The following ABCA5 variants were observed in gnomAD, a reference collection of about 807,000 sequenced individuals.
ABCA5 encodes the protein cholesterol transporter ABCA5.
In ABCA5, 163 loss-of-function variants were observed where a neutral mutation model predicts 206.0. That is an observed-to-expected ratio of 0.79 (90% confidence interval 0.70 to 0.90). The LOEUF is 0.90. ABCA5 is among the 40% of genes least tolerant of loss of function. ABCA5 has a pLI of 0.00. For synonymous variants in ABCA5, 609 were observed against 613.8 expected (o/e 0.99, Z 0.11); for missense variants, 1,859 against 1,912.9 (o/e 0.97, Z 0.53).
intron 9 of ABCA5, among the ~76,000 whole-genome samples, chr17:69,300,648 T>C (rs1403036387): frequency 2.0e-5 from 3 of 152,208 alleles, no homozygotes; most frequent in African/African-American, 7.2e-5. Context: ...ACATGGCTAG[T>C]AGTTACCATA....
At chr17:69,262,894 C>T (rs1047902298) in intron 24 of ABCA5, among the ~76,000 whole-genome samples, 1 of 151,966 alleles carries the variant, frequency 6.6e-6, no homozygotes, top group Non-Finnish European at 1.5e-5. Context: ...GCCTCGCCAG[C>T]ATCTGTTGGT....
chr17:69,281,591 A>C (rs77160572), intron 18 of ABCA5, among the ~76,000 whole-genome samples: 7,022 of 152,250 alleles, frequency 0.046, 199 homozygotes, highest in Non-Finnish European at 0.066. Flanking sequence ...CAAAAGAAAA[A>C]TTAAGAACTC....
At chr17:69,305,805 AGGCC>A (rs2075710942) in intron 6 of ABCA5, among the ~76,000 whole-genome samples, 1 of 152,184 alleles carries the variant, frequency 6.6e-6, no homozygotes, top group African/African-American at 2.4e-5. Context: ...TGGGAGTTTG[AGGCC>A]ACAGTGACCC....
rs139806791 is a variant in ABCA5 at position 69,253,927 on chromosome 17, A to G, written c.4245-58T>C. ...ATGATATATATAAACACAAATACCA[A>G]CTGGGTGTGATCCCTGATGTTGTTT... is the stretch of plus-strand genomic sequence containing the variant. On this transcript the variant is annotated intron_variant, in intron 32 of 38. Transcript: ENST00000392676. 8.8e-4 allele frequency: 1,202 copies of G among 1,369,020 alleles called. 9 individuals are homozygous for G. In the African/African-American group the frequency reaches 0.015, roughly 17 times the overall value. The allele number at this position is 1,369,020 out of a possible 1,614,324, so 84.8% of individuals were successfully genotyped here. A position where few individuals can be genotyped will look rare whatever the true frequency, so the allele number is the denominator to read the frequency against.
rs1449785652 is a variant in ABCA5 at position 69,286,042 on chromosome 17, A to G, written c.2133-5T>C. The G allele has an allele frequency of 6.3e-7, 1 of 1,599,574 alleles. No individual in the cohort carries two copies. Among genetic ancestry groups the G allele is most frequent in the Non-Finnish European group, 8.5e-7 (1 of 1,176,386 alleles). Reference sequence around the variant, plus strand: ...CAATATTTGTCTATGTACATGCTAGAGAATACCAAAAATCACAATTAATGA... The same window carrying G: ...CAATATTTGTCTATGTACATGCTAGGGAATACCAAAAATCACAATTAATGA... On this transcript the variant is annotated splice_region_variant and splice_polypyrimidine_tract_variant and intron_variant, in intron 16 of 38. Coordinates refer to ENST00000392676, the MANE Select transcript of ABCA5 (RefSeq NM_172232.4).
intron 18 of ABCA5, among the ~76,000 whole-genome samples, chr17:69,280,778 G>T (rs1455957130): frequency 6.6e-6 from 1 of 151,796 alleles, no homozygotes; most frequent in South Asian, 2.1e-4. Flanking sequence ...GTAAACTATT[G>T]CAAGAACAAA....
chr17:69,322,394 G>A (rs1327990022), intron 1 of ABCA5, among the ~76,000 whole-genome samples: 1 of 128,174 alleles, frequency 7.8e-6, no homozygotes. Context: ...AAAAGTGCTG[G>A]TTACTACGTT....
At chr17:69,271,697 G>A (rs972334352) in intron 20 of ABCA5, among the ~76,000 whole-genome samples, 10 of 151,418 alleles carry the variant, frequency 6.6e-5, no homozygotes, top group Non-Finnish European at 1.3e-4. Flanking sequence ...TATTAACATT[G>A]AAAAGTTAAC....
At chr17:69,250,364 T>C (rs1166429554) in intron 36 of ABCA5, 108 bp downstream of exon 36, 1 of 858,060 alleles carries the variant, frequency 1.2e-6, no homozygotes, top group Non-Finnish European at 1.7e-6. Flanking sequence ...GATATATATA[T>C]ATATGGTCTA....
chr17:69,307,934 T>G (rs895020945), intron 5 of ABCA5, among the ~76,000 whole-genome samples: 2 of 151,846 alleles, frequency 1.3e-5, no homozygotes, highest in Non-Finnish European at 1.5e-5. Flanking sequence ...AAAGGGCAAA[T>G]GGAAAAAAAA....
In ABCA5 at chr17:69,247,584, T is replaced by C; in HGVS notation, c.4882A>G (p.Ser1628Gly). The change falls in exon 39 of 39, where the codon AGC becomes GGC. Residue 1628 changes from serine to glycine, a missense_variant. Ser to Gly is a moderately conservative substitution (Grantham distance 56). Coordinates refer to ENST00000392676, the MANE Select transcript of ABCA5 (RefSeq NM_172232.4). ...TGTGTTCGTTCCCACCAAAGTGTGC[T>C]GTTTAAAGTTCCACAACTATTATCT... ...EEDNSCGTLNSTLWWERTQED... is the reference protein window; with the variant it reads ...EEDNSCGTLNGTLWWERTQED... The C allele has an allele frequency of 2.5e-6, 4 of 1,611,142 alleles. No homozygotes were observed. The highest frequency in any genetic ancestry group is 3.4e-6 in the Non-Finnish European group (4 of 1,178,928).
At chr17:69,251,606 A>C in intron 35 of ABCA5, 141 bp downstream of exon 35, 1 of 1,144,388 alleles carries the variant, frequency 8.7e-7, no homozygotes, top group Non-Finnish European at 1.2e-6. Flanking sequence ...CATACTTCCA[A>C]GTCAATCTAT....
chr17:69,321,323 A>G (rs1263897674), intron 1 of ABCA5, among the ~76,000 whole-genome samples: 4 of 152,216 alleles, frequency 2.6e-5, no homozygotes, highest in African/African-American at 9.6e-5. Flanking sequence ...TCCTGACAGA[A>G]GCATATATCT....
Position 69,301,301 on chromosome 17 carries a change from C to A in ABCA5, c.1120-15G>T. 6.3e-7 allele frequency: 1 copy of A among 1,579,104 alleles called. No homozygotes were observed. Among genetic ancestry groups the A allele is most frequent in the Non-Finnish European group, 8.5e-7 (1 of 1,170,582 alleles). ...AAATGCATGACCTGAAAAATACAAACACTAACTTTATTACATAAAAATGAC... is the reference window on the plus strand; with the variant it reads ...AAATGCATGACCTGAAAAATACAAAAACTAACTTTATTACATAAAAATGAC... On this transcript the variant is annotated splice_polypyrimidine_tract_variant and intron_variant, in intron 8 of 38. Coordinates refer to ENST00000392676, the MANE Select transcript of ABCA5 (RefSeq NM_172232.4).
chr17:69,283,826 C>G, intron 18 of ABCA5, 127 bp downstream of exon 18: 1 of 822,250 alleles, frequency 1.2e-6, no homozygotes, highest in Admixed American at 4.0e-5. Context: ...ATCAGTATCT[C>G]ATTACTTATT....
chr17:69,248,245 ATTTAAC>A lies in ABCA5; in HGVS notation c.4821+11_4821+16del. On this transcript the variant is annotated intron_variant, in intron 38 of 38. Transcript: ENST00000392676. ...TTCTTCTATAAAATAATTTTTAAAAATTTAACTTTATAGTACCTGTTCCAATGTTGC... is the reference window on the plus strand; with the variant it reads ...TTCTTCTATAAAATAATTTTTAAAAATTTATAGTACCTGTTCCAATGTTGC... 6.9e-7 allele frequency: 1 copy of A among 1,459,442 alleles called. No homozygotes were observed. The highest frequency in any genetic ancestry group is 9.4e-7 in the Non-Finnish European group (1 of 1,066,484). 90.4% of individuals were successfully genotyped at this position (1,459,442 alleles called of 1,614,324 possible).
In ABCA5 at chr17:69,277,766, T is replaced by C; in HGVS notation, c.2469A>G (p.Leu823=). 6.2e-7 allele frequency: 1 copy of C among 1,606,508 alleles called. No homozygotes were observed. Among genetic ancestry groups the C allele is most frequent in the Non-Finnish European group, 8.5e-7 (1 of 1,177,516 alleles). ...SKSFDEMEQS[L]LILSETKAAL... ...CAGCCTTGGTTTCAGAAAGAATAAG[T>C]AAGCTCTGTTCCATTTCATCAAAAG... The change falls in exon 19 of 39, where the codon TTA becomes TTG. Residue 823 remains leucine, a synonymous_variant. Transcript: ENST00000392676.
intron 1 of ABCA5, among the ~76,000 whole-genome samples, chr17:69,324,723 T>C (rs2075886550): frequency 6.6e-6 from 1 of 152,186 alleles, no homozygotes; most frequent in Non-Finnish European, 1.5e-5. Context: ...CACAAAGTAA[T>C]GTTATACATT....
At position 69,306,780 on chromosome 17, in the gene ABCA5, C is replaced by A. The variant is rs140653807; in HGVS notation, c.733G>T (p.Glu245Ter). 6.4e-7 allele frequency: 1 copy of A among 1,557,818 alleles called. No individual in the cohort carries two copies. Among genetic ancestry groups the A allele is most frequent in the Admixed American group, 1.9e-5 (1 of 51,974 alleles). The change falls in exon 6 of 39, where the codon GAA becomes TAA. Residue 245 changes from glutamate to a stop codon, truncating the protein, a stop_gained. Transcript: ENST00000392676. LOFTEE classifies it high-confidence loss of function. ...TTTAAAAATTCTTTTATTTTTTTTT[C>A]TTTTTCTGCTACGATATGAATTGCC... The part of the protein sequence containing the change: ...FLAIHIVAEK[E>*]KKIKEFLKIM...
Sources: allele counts gnomAD v4.1 joint callset (sites outside exome capture counted in the v4.1 genomes callset), GRCh38; gene constraint gnomAD v4.1.1; transcripts MANE v1.5; gene names NCBI Gene and HGNC (gene_info 2026-07-23, HGNC 2026-07-21).